Variants in GLRB observed in about 807,000 individuals in gnomAD.
GLRB encodes the protein glycine receptor beta, also known as glycine receptor subunit beta.
A neutral mutation model predicts 54.2 loss-of-function variants in GLRB; 33 were observed. The ratio of observed to expected loss-of-function variants is 0.61; its 90% CI spans 0.46 to 0.81. The LOEUF is 0.81. Ranked by LOEUF, GLRB falls within the 40% of genes least tolerant of loss-of-function variation. The pLI is 0.00. For synonymous variants in GLRB, 209 were observed against 208.2 expected, an observed-to-expected ratio of 1.00 and a Z score of -0.03; for missense variants, 572 against 584.6, an observed-to-expected ratio of 0.98 and a Z score of 0.22.
chr4:157,100,694 A>G (rs997220071), intron 2 of GLRB, among the ~76,000 whole-genome samples: 7 of 152,226 alleles, frequency 4.6e-5, no homozygotes, highest in Admixed American at 2.0e-4. Flanking sequence ...TTAAAAAAAA[A>G]CATGGAGGCA....
At chr4:157,094,903 G>A (rs990581407) in intron 2 of GLRB, among the ~76,000 whole-genome samples, 11 of 152,212 alleles carry the variant, frequency 7.2e-5, no homozygotes, top group East Asian at 1.9e-4. Flanking sequence ...AAAAAAATAC[G>A]TACAAGAATG....
chr4:157,082,964 T>TTATATATATATATATATATATA (rs58330518), intron 2 of GLRB, among the ~76,000 whole-genome samples: 32 of 139,656 alleles, frequency 2.3e-4, no homozygotes, highest in African/African-American at 7.1e-4. Flanking sequence ...GAATAGTGTT[T>TTATATATATATATATATATATA]TATATATATA....
intron 8 of GLRB, among the ~76,000 whole-genome samples, chr4:157,145,582 ATGT>A (rs542455441): frequency 3.3e-4 from 51 of 152,290 alleles, no homozygotes; most frequent in African/African-American, 1.2e-3. Flanking sequence ...AAAGATGGGG[ATGT>A]TGTTAACAAA....
intron 2 of GLRB, among the ~76,000 whole-genome samples, chr4:157,109,106 A>C (rs759693904): frequency 6.6e-6 from 1 of 152,120 alleles, no homozygotes; most frequent in African/African-American, 2.4e-5. Flanking sequence ...GCACTGGGAA[A>C]CCAAAACATT....
intron 8 of GLRB, among the ~76,000 whole-genome samples, chr4:157,146,513 G>T (rs561952262): frequency 1.3e-5 from 2 of 151,936 alleles, no homozygotes; most frequent in South Asian, 4.2e-4. Context: ...AGTAGTGCAG[G>T]TGCTGATAAA....
chr4:157,097,088 A>G (rs1263000316), intron 2 of GLRB, among the ~76,000 whole-genome samples: 1 of 152,204 alleles, frequency 6.6e-6, no homozygotes, highest in Non-Finnish European at 1.5e-5. Context: ...AATTAGAGTA[A>G]TGATTTGGAA....
At chr4:157,166,738 G>C (rs1737724355) in intron 9 of GLRB, among the ~76,000 whole-genome samples, 1 of 151,934 alleles carries the variant, frequency 6.6e-6, no homozygotes, top group African/African-American at 2.4e-5. Flanking sequence ...CCAATTTGCA[G>C]CTTTTTTGGA....
intron 4 of GLRB, among the ~76,000 whole-genome samples, chr4:157,127,439 G>A (rs977714088): frequency 4.6e-5 from 7 of 151,730 alleles, no homozygotes; most frequent in Admixed American, 2.6e-4. Context: ...CCCTAAAGAT[G>A]TTCATGTCAT....
chr4:157,167,875 A>G (rs1201818454), intron 9 of GLRB, among the ~76,000 whole-genome samples: 2 of 152,154 alleles, frequency 1.3e-5, no homozygotes, highest in East Asian at 3.9e-4. Flanking sequence ...GGCATGTCAG[A>G]TGGCAAGAGT....
chr4:157,168,643 A>G (rs1737806900), intron 9 of GLRB, among the ~76,000 whole-genome samples: 1 of 152,174 alleles, frequency 6.6e-6, no homozygotes. Context: ...TATCAAATGT[A>G]TAGAAAGGTG....
intron 2 of GLRB, among the ~76,000 whole-genome samples, chr4:157,118,098 T>C (rs1735670782): frequency 6.6e-6 from 1 of 151,618 alleles, no homozygotes; most frequent in African/African-American, 2.4e-5. Context: ...GGGCTAAAAA[T>C]GAGTTTGACT....
chr4:157,159,023 G>C (rs538479898), intron 9 of GLRB, among the ~76,000 whole-genome samples: 81 of 152,254 alleles, frequency 5.3e-4, no homozygotes, highest in African/African-American at 1.9e-3. Context: ...GTAGTTCGTA[G>C]TTCTCCTTGA....
intron 3 of GLRB, among the ~76,000 whole-genome samples, 198 bp from the exon 4 acceptor site, chr4:157,122,132 C>A (rs548752007): frequency 6.7e-6 from 1 of 149,558 alleles, no homozygotes; most frequent in African/African-American, 2.4e-5. Flanking sequence ...GAACTCATTG[C>A]TTTATTTGTA....
Position 157,136,787 on chromosome 4 carries a change from C to T in GLRB, c.528-17C>T, listed in dbSNP as rs747151663. 4 of 1,567,738 alleles carry T rather than the reference C, an allele frequency of 2.6e-6. No individual in the cohort carries two copies. Among genetic ancestry groups the T allele is most frequent in the Non-Finnish European group, 3.5e-6 (4 of 1,137,868 alleles). ...GAAGTATATTAAATTATTTCTAAGACCCATTTCTGCTTCCAGGTTATCTAT... is the reference window on the plus strand; with the variant it reads ...GAAGTATATTAAATTATTTCTAAGATCCATTTCTGCTTCCAGGTTATCTAT... On this transcript the variant is annotated splice_polypyrimidine_tract_variant and intron_variant, in intron 5 of 9. Transcript: ENST00000264428.
At chr4:157,102,402 T>C (rs560652787) in intron 2 of GLRB, among the ~76,000 whole-genome samples, 1 of 152,162 alleles carries the variant, frequency 6.6e-6, no homozygotes, top group Non-Finnish European at 1.5e-5. Context: ...TAGGTTTGAC[T>C]TTTAGGTACC....
intron 4 of GLRB, among the ~76,000 whole-genome samples, chr4:157,129,999 C>A (rs1326910934): frequency 6.6e-6 from 1 of 151,538 alleles, no homozygotes; most frequent in Non-Finnish European, 1.5e-5. Flanking sequence ...GGAATAACAA[C>A]AACATGAAGG....
chr4:157,086,069 T>C (rs1734400892), intron 2 of GLRB, among the ~76,000 whole-genome samples: 1 of 152,130 alleles, frequency 6.6e-6, no homozygotes, highest in African/African-American at 2.4e-5. Context: ...TGGTGTCAAG[T>C]GGTCCTCCCG....
chr4:157,102,858 G>A (rs1450455299), intron 2 of GLRB, among the ~76,000 whole-genome samples: 1 of 152,116 alleles, frequency 6.6e-6, no homozygotes, highest in Non-Finnish European at 1.5e-5. Flanking sequence ...TTACAATTAG[G>A]TTCTCTATGT....
chr4:157,151,586 C>A (rs17035802), intron 8 of GLRB, among the ~76,000 whole-genome samples: 12,557 of 152,032 alleles, frequency 0.083, 1,713 homozygotes, highest in African/African-American at 0.29. Flanking sequence ...GTGTTTCCTT[C>A]TAATAGAGAG....
Sources: gnomAD v4.1 joint callset for allele counts (sites outside exome capture counted in the v4.1 genomes callset) on GRCh38, gnomAD v4.1.1 for gene constraint, MANE v1.5 for transcripts, NCBI Gene and HGNC (gene_info 2026-07-23, HGNC 2026-07-21) for gene names.